GIPC1: variants seen among roughly 807,000 people sequenced by gnomAD.
The protein encoded by GIPC1 is PDZ domain-containing protein GIPC1.
In GIPC1, 15 loss-of-function variants were observed where a neutral mutation model predicts 28.5. The ratio of observed to expected loss-of-function variants is 0.53; its 90% CI spans 0.35 to 0.81. The LOEUF is 0.81. Among genes scored for constraint, GIPC1 ranks in the 30% least tolerant of loss-of-function variants. GIPC1 has a pLI of 0.01. For missense variants in GIPC1, 439 were observed against 481.9 expected, an observed-to-expected ratio of 0.91 and a Z score of 0.83; for synonymous variants, 224 against 206.1, an observed-to-expected ratio of 1.09 and a Z score of -0.74.
intron 4 of GIPC1, chr19:14,482,484 T>C (rs1486448023): frequency 3.3e-6 from 2 of 608,758 alleles, no homozygotes; most frequent in East Asian, 2.8e-5. Context: ...TGGCCTCCAG[T>C]TCCCCACAAT....
chr19:14,479,895 C>T (rs1419207457), intron 6 of GIPC1: 4 of 397,524 alleles, frequency 1.0e-5, no homozygotes, highest in Non-Finnish European at 9.1e-6. Context: ...CAGACCAGCC[C>T]TACCTGCCCA....
At chr19:14,488,397 G>A (rs2071891841) in intron 3 of GIPC1, among the ~76,000 whole-genome samples, 1 of 150,878 alleles carries the variant, frequency 6.6e-6, no homozygotes, top group African/African-American at 2.4e-5. Context: ...GTTGCAGTGA[G>A]CCGAGATCAC....
At chr19:14,491,178 TCTTATGTAAAAGGGACTTC>T (rs561567305) in intron 3 of GIPC1, among the ~76,000 whole-genome samples, 11 of 151,096 alleles carry the variant, frequency 7.3e-5, no homozygotes, top group African/African-American at 2.7e-4. Flanking sequence ...GCCTATATTT[TCTTATGTAAAAGGGACTTC>T]CTGGTGCCTC....
In GIPC1 at chr19:14,478,409, G is replaced by A; in HGVS notation, c.*7C>T. The A allele has an allele frequency of 6.2e-7, 1 of 1,603,796 alleles. No homozygotes were observed. The highest frequency in any genetic ancestry group is 8.5e-7 in the Non-Finnish European group (1 of 1,175,668). On this transcript the variant is annotated 3_prime_UTR_variant, in exon 9 of 9. Coordinates refer to ENST00000393033, the MANE Select transcript of GIPC1 (RefSeq NM_005716.4). This position sits in a 1 kb window ranked among gnomAD's most constrained non-coding sequence, Gnocchi z 5.2. ...CCGGGTCATCATCGCAGGGTCCGGG[G>A]GCAGTCCTAGTAGCGGCCGACCTTG...
intron 3 of GIPC1, chr19:14,483,352 A>C: frequency 5.2e-6 from 1 of 193,144 alleles, no homozygotes; most frequent in South Asian, 8.7e-5. Context: ...GCTACTTGGG[A>C]GGCTGAGGCA....
chr19:14,480,287 CA>C lies in GIPC1; in HGVS notation c.655+17del, dbSNP rs763339155. ...TGCGAGCAGCGCCACTGGGGAGGTC[CA>C]GGGGGCGGCTCCTCACCGAAGGCCT... On this transcript the variant is annotated intron_variant, in intron 6 of 8. Transcript: ENST00000393033. 3.8e-5 allele frequency: 61 copies of C among 1,605,372 alleles called. No individual in the cohort carries two copies. The highest frequency in any genetic ancestry group is 5.2e-5 in the Non-Finnish European group (61 of 1,176,296).
At chr19:14,481,719 CAAAAAAAAAAA>C (rs58761750) in intron 4 of GIPC1, 35,858 of 87,374 alleles carry the variant, frequency 0.41, 5,111 homozygotes, top group African/African-American at 0.47. Flanking sequence ...GACTCCATCT[CAAAAAAAAAAA>C]AAAAAAAAAA....
chr19:14,489,261 T>TTGTTA, intron 3 of GIPC1: 1 of 656,900 alleles, frequency 1.5e-6, no homozygotes, highest in Non-Finnish European at 2.8e-6. Context: ...TTGAAACTCA[T>TTGTTA]GCTCGAACAA....
chr19:14,496,038 T>C lies in GIPC1; in HGVS notation c.-176A>G. On this transcript the variant is annotated splice_region_variant and 5_prime_UTR_variant, in exon 1 of 9. Transcript: ENST00000393033. ...ATCCTTCTCGCAGAGGCCACTCACCTGCTCCGCCGCCGCCGCCGCCGCCGC... is the reference window on the plus strand; with the variant it reads ...ATCCTTCTCGCAGAGGCCACTCACCCGCTCCGCCGCCGCCGCCGCCGCCGC... 1 of 208,212 alleles carries C rather than the reference T, an allele frequency of 4.8e-6. No homozygotes were observed. The highest frequency in any genetic ancestry group is 8.6e-6 in the Non-Finnish European group (1 of 116,620). The allele number at this position is 208,212 out of a possible 1,614,324, so 12.9% of individuals were successfully genotyped here.
At chr19:14,481,822 C>T (rs1050740405) in intron 4 of GIPC1, 4 of 151,560 alleles carry the variant, frequency 2.6e-5, no homozygotes, top group African/African-American at 9.7e-5. Context: ...GACACAGAAA[C>T]TCATCCCACT....
intron 4 of GIPC1, chr19:14,480,993 CA>C: frequency 3.7e-6 from 2 of 545,820 alleles, no homozygotes; most frequent in Non-Finnish European, 6.5e-6. Context: ...CTTTTTGAGA[CA>C]GGGTCTTGCT....
At chr19:14,493,404 A>G (rs1271301088) in intron 1 of GIPC1, among the ~76,000 whole-genome samples, 1 of 151,498 alleles carries the variant, frequency 6.6e-6, no homozygotes, top group Non-Finnish European at 1.5e-5. Flanking sequence ...TTCTGCTCCA[A>G]CCATGTGATT....
At chr19:14,481,679 C>T (rs2071731952) in intron 4 of GIPC1, 1 of 144,696 alleles carries the variant, frequency 6.9e-6, no homozygotes, top group South Asian at 2.2e-4. Context: ...CAAGATCGTG[C>T]CACTGCACTC....
At position 14,480,658 on chromosome 19, in the gene GIPC1, A is replaced by G; in HGVS notation, c.409T>C (p.Phe137Leu). The change falls in exon 5 of 9, where the codon TTC becomes CTC. Residue 137 changes from phenylalanine to leucine, a missense_variant. Transcript: ENST00000393033. Reference sequence around the variant, plus strand: ...AGCCCGAGTGCATCCTCCGACTTGAACACCTCCACCTCCTTGCGCTGCCCC... The same window carrying G: ...AGCCCGAGTGCATCCTCCGACTTGAGCACCTCCACCTCCTTGCGCTGCCCC... ...VKGQRKEVEV[F>L]KSEDALGLTI... 1 of 1,613,962 alleles carries G rather than the reference A, an allele frequency of 6.2e-7. No homozygotes were observed. Among genetic ancestry groups the G allele is most frequent in the Non-Finnish European group, 8.5e-7 (1 of 1,179,976 alleles).
rs2071826010 is a variant in GIPC1 at position 14,485,725 on chromosome 19, A to AGG, written c.-30-2720_-30-2719insCC. Among the ~76,000 whole-genome samples, 24 of 141,146 alleles carry AGG rather than the reference A, an allele frequency of 1.7e-4. 1 individual carries two copies. The highest frequency in any genetic ancestry group is 5.8e-4 in the African/African-American group (22 of 38,250). 92.6% of individuals were successfully genotyped at this position (141,146 alleles called of 152,430 possible). On this transcript the variant is annotated intron_variant, in intron 3 of 8. Coordinates refer to ENST00000393033, the MANE Select transcript of GIPC1 (RefSeq NM_005716.4). ...TATAGAGAGAGAGAGAGAGAGAGAG[A>AGG]GAGAGAGAGAGAGAGACAGAGAGAG...
At position 14,478,254 on chromosome 19, in the gene GIPC1, G is replaced by A. The variant is rs533797221; in HGVS notation, c.*162C>T. Reference sequence around the variant, plus strand: ...TGGGAACCAGGGAGGGGATGGTACCGATTGGAGCGGGGCAGGGGGCCTGGC... The same window carrying A: ...TGGGAACCAGGGAGGGGATGGTACCAATTGGAGCGGGGCAGGGGGCCTGGC... On this transcript the variant is annotated 3_prime_UTR_variant, in exon 9 of 9. Transcript: ENST00000393033. The surrounding 1 kb of genome is among the most constrained non-coding windows in gnomAD (Gnocchi z 5.2). The A allele has an allele frequency of 8.5e-5, 58 of 684,506 alleles. No individual in the cohort carries two copies. Among genetic ancestry groups the A allele is most frequent in the African/African-American group, 5.6e-4 (31 of 55,534 alleles). 42.4% of individuals were successfully genotyped at this position (684,506 alleles called of 1,614,324 possible).
At chr19:14,480,194 CTTCCCTTTCGGCAGGCCA>C in intron 6 of GIPC1, 93 bp downstream of exon 6, 4 of 919,186 alleles carry the variant, frequency 4.4e-6, no homozygotes, top group Non-Finnish European at 6.8e-6. Context: ...TCTGCAACCC[CTTCCCTTTCGGCAGGCCA>C]GGCTTGGGCG....
At chr19:14,486,724 T>A (rs1374914118) in intron 3 of GIPC1, among the ~76,000 whole-genome samples, 1 of 148,936 alleles carries the variant, frequency 6.7e-6, no homozygotes, top group East Asian at 1.9e-4. Flanking sequence ...TTTTTTTTTT[T>A]TTTTTGAGAC....
intron 2 of GIPC1, among the ~76,000 whole-genome samples, chr19:14,492,338 G>A (rs530635801): frequency 2.0e-5 from 3 of 150,692 alleles, no homozygotes; most frequent in South Asian, 4.2e-4. Flanking sequence ...ACGGAGTCTC[G>A]CTCTGTTGCC....
Sources: gnomAD v4.1 joint callset for allele counts (sites outside exome capture counted in the v4.1 genomes callset) on GRCh38, gnomAD v4.1.1 for gene constraint, Gnocchi (gnomAD v3.1) non-coding constraint, MANE v1.5 for transcripts, NCBI Gene and HGNC (gene_info 2026-07-23, HGNC 2026-07-21) for gene names.